Variants in AGO3 observed in about 807,000 individuals in gnomAD.
The protein encoded by AGO3 is argonaute RISC catalytic component 3, also known as protein argonaute-3.
A neutral mutation model predicts 105.5 loss-of-function variants in AGO3; 16 were observed. The ratio of observed to expected loss-of-function variants is 0.15; its 90% CI spans 0.10 to 0.23. AGO3 has a LOEUF of 0.23. Among genes scored for constraint, AGO3 ranks in the 10% least tolerant of loss-of-function variants. AGO3 has a pLI of 1.00. For synonymous variants in AGO3, 340 were observed against 367.3 expected (o/e 0.93, Z 0.85); for missense variants, 534 against 1,088.0 (o/e 0.49, Z 7.16).
chr1:35,931,151 CGGCGGCCGCG>C lies in AGO3; in HGVS notation c.-271_-262del, dbSNP rs2148734104. 2.5e-6 allele frequency: 1 copy of C among 397,536 alleles called. No homozygotes were observed. The highest frequency in any genetic ancestry group is 1.2e-4 in the South Asian group (1 of 8,130). The allele number at this position is 397,536 out of a possible 1,614,324, so 24.6% of individuals were successfully genotyped here. A position where few individuals can be genotyped will look rare whatever the true frequency, so the allele number is the denominator to read the frequency against. On this transcript the variant is annotated 5_prime_UTR_variant, in exon 1 of 19. Transcript: ENST00000373191. ...AGTCGTGGAGGAGCGGTGGGAGCGT[CGGCGGCCGCG>C]GGCGATGCAACTTCCGGACGGGACT...
chr1:36,026,504 A>G (rs1415475306), intron 11 of AGO3, among the ~76,000 whole-genome samples: 1 of 152,200 alleles, frequency 6.6e-6, no homozygotes, highest in East Asian at 1.9e-4. Context: ...ATACTATAGA[A>G]ATTCTGGCTC....
In AGO3 at chr1:35,931,209, C is replaced by G; in HGVS notation, c.-218C>G. On this transcript the variant is annotated 5_prime_UTR_variant, in exon 1 of 19. The change creates a new upstream start codon in the 5' untranslated region. Coordinates refer to ENST00000373191, the MANE Select transcript of AGO3 (RefSeq NM_024852.4). ...ACTCCCCTCTGTCCGCGCCTCACAT[C>G]TCCCCTTCCTCTCGCCTAGTCCTGT... The G allele has an allele frequency of 2.5e-6, 1 of 407,468 alleles. No individual in the cohort carries two copies. The highest frequency in any genetic ancestry group is 4.4e-5 in the Admixed American group (1 of 22,716). 25.2% of individuals were successfully genotyped at this position (407,468 alleles called of 1,614,324 possible). A position where few individuals can be genotyped will look rare whatever the true frequency, so the allele number is the denominator to read the frequency against.
chr1:35,949,223 G>A (rs144425417), intron 2 of AGO3, among the ~76,000 whole-genome samples: 13 of 152,274 alleles, frequency 8.5e-5, no homozygotes, highest in East Asian at 5.8e-4. Flanking sequence ...GATTACAGGC[G>A]TGAGCTACCG....
chr1:35,988,285 A>G (rs1391407950), intron 5 of AGO3, among the ~76,000 whole-genome samples: 2 of 152,210 alleles, frequency 1.3e-5, no homozygotes. Flanking sequence ...CAATCACCTC[A>G]TAGGTATGTG....
chr1:36,034,577 C>T (rs1045983662), intron 13 of AGO3, among the ~76,000 whole-genome samples: 3 of 152,082 alleles, frequency 2.0e-5, no homozygotes, highest in African/African-American at 4.8e-5. Flanking sequence ...AGCAAAGCAA[C>T]AAAAGCAGAG....
intron 5 of AGO3, among the ~76,000 whole-genome samples, chr1:35,995,209 A>AAAAAAAAAAAAAT: frequency 8.7e-6 from 1 of 114,740 alleles, no homozygotes; most frequent in South Asian, 2.7e-4. Context: ...TAAAAAAAAA[A>AAAAAAAAAAAAAT]ATATATATAT....
At chr1:36,047,791 A>T (rs1250495512) in intron 17 of AGO3, among the ~76,000 whole-genome samples, 1 of 152,072 alleles carries the variant, frequency 6.6e-6, no homozygotes, top group East Asian at 1.9e-4. Flanking sequence ...AGGCAGGAGG[A>T]TCACTTGAGC....
At position 36,004,435 on chromosome 1, in the gene AGO3, G is replaced by A. The variant is rs766071931; in HGVS notation, c.753G>A (p.Leu251=). Residue 251 remains leucine (L), a synonymous_variant, in exon 6 of 19, where the codon CTG becomes CTA. Coordinates refer to ENST00000373191, the MANE Select transcript of AGO3 (RefSeq NM_024852.4). ...IHNIDEQPRP[L]TDSHRVKFTK... Reference sequence around the variant, plus strand: ...ATATTGATGAGCAACCAAGACCTCTGACTGATTCTCATCGGGTAAAATTCA... The same window carrying A: ...ATATTGATGAGCAACCAAGACCTCTAACTGATTCTCATCGGGTAAAATTCA... The A allele has an allele frequency of 1.9e-6, 3 of 1,605,396 alleles. No homozygotes were observed. The highest frequency in any genetic ancestry group is 1.3e-5 in the African/African-American group (1 of 74,928).
chr1:35,954,480 C>T (rs529450853), intron 2 of AGO3, among the ~76,000 whole-genome samples: 18 of 152,126 alleles, frequency 1.2e-4, no homozygotes, highest in Non-Finnish European at 2.1e-4. Context: ...TTAACCTGCT[C>T]CAGTTTGTTA....
At chr1:35,934,027 AAATT>A (rs1333577482) in intron 1 of AGO3, among the ~76,000 whole-genome samples, 1 of 152,236 alleles carries the variant, frequency 6.6e-6, no homozygotes, top group Non-Finnish European at 1.5e-5. Context: ...AATTAGTTAA[AAATT>A]AATCAACAGT....
intron 2 of AGO3, among the ~76,000 whole-genome samples, chr1:35,959,794 A>G (rs1646640574): frequency 6.6e-6 from 1 of 152,154 alleles, no homozygotes; most frequent in Non-Finnish European, 1.5e-5. Flanking sequence ...ATTTGATGCT[A>G]AAACATTGTA....
Position 36,009,550 on chromosome 1 carries a change from A to G in AGO3, c.1105A>G (p.Thr369Ala). ...DNQTSTMIKA[T>A]ARSAPDRQEE... ...TCAGACTTCCACTATGATCAAGGCA[A>G]CAGCAAGATCTGCACCAGATAGACA... is the stretch of plus-strand genomic sequence containing the variant. Residue 369 changes from threonine (T) to alanine (A), a missense_variant, in exon 9 of 19, where the codon ACA becomes GCA. Physicochemically the swap from Thr to Ala is moderately conservative, Grantham distance 58. Around this residue, in one of 2 missense-constraint regions of AGO3, gnomAD observed 373 missense variants for 854.0 expected, o/e 0.44. Coordinates refer to ENST00000373191, the MANE Select transcript of AGO3 (RefSeq NM_024852.4). 6.2e-7 allele frequency: 1 copy of G among 1,613,852 alleles called. No individual in the cohort carries two copies. The highest frequency in any genetic ancestry group is 8.5e-7 in the Non-Finnish European group (1 of 1,179,902).
At chr1:36,039,759 T>G (rs1642171860) in intron 14 of AGO3, 31 bp from the exon 15 acceptor site, 2 of 1,229,730 alleles carry the variant, frequency 1.6e-6, no homozygotes, top group Middle Eastern at 2.8e-4. Context: ...TTTTATTTAT[T>G]TATTTATTTA....
intron 12 of AGO3, 122 bp from the exon 13 acceptor site, chr1:36,034,052 T>G (rs1005957911): frequency 4.3e-6 from 4 of 936,244 alleles, no homozygotes; most frequent in Non-Finnish European, 5.8e-6. Context: ...ATTGGCATAA[T>G]TTTTGGTATC....
chr1:35,971,044 A>ATT (rs201715016), intron 3 of AGO3, among the ~76,000 whole-genome samples: 6 of 145,092 alleles, frequency 4.1e-5, no homozygotes, highest in African/African-American at 1.2e-4. Context: ...ATATATATAT[A>ATT]TTTTTTATTA....
intron 5 of AGO3, among the ~76,000 whole-genome samples, chr1:35,994,955 T>C (rs1449172368): frequency 6.6e-6 from 1 of 151,884 alleles, no homozygotes; most frequent in Non-Finnish European, 1.5e-5. Context: ...CAGGCTTACT[T>C]TGGGAGGCCA....
At chr1:36,017,588 C>A (rs1461266669) in intron 11 of AGO3, among the ~76,000 whole-genome samples, 1 of 152,100 alleles carries the variant, frequency 6.6e-6, no homozygotes, top group Non-Finnish European at 1.5e-5. Flanking sequence ...AATTTCTAAT[C>A]ATTGCCTCAT....
At chr1:36,036,579 T>G (rs932995297) in intron 14 of AGO3, among the ~76,000 whole-genome samples, 3 of 152,238 alleles carry the variant, frequency 2.0e-5, no homozygotes, top group African/African-American at 7.2e-5. Flanking sequence ...TTCAGTAATG[T>G]CTTTGTCATA....
rs1237315557 is a variant in AGO3 at position 35,995,209 on chromosome 1, A to AAAAT, written c.659-9131_659-9130insAATA. On this transcript the variant is annotated intron_variant, in intron 5 of 18. Transcript: ENST00000373191. Reference sequence around the variant, plus strand: ...GAGCAAGACACTGTCTAAAAAAAAAAATATATATATATATATATATATATA... The same window carrying AAAAT: ...GAGCAAGACACTGTCTAAAAAAAAAAAAATATATATATATATATATATATATATA... 4.3e-3 allele frequency among the ~76,000 whole-genome samples: 498 copies of AAAAT among 114,708 alleles called. 2 individuals are homozygous for AAAAT. Among genetic ancestry groups the AAAAT allele is most frequent in the South Asian group, 0.01 (38 of 3,670 alleles). The allele number at this position is 114,708 out of a possible 152,430, so 75.3% of individuals were successfully genotyped here. A position where few individuals can be genotyped will look rare whatever the true frequency, so the allele number is the denominator to read the frequency against.
Sources: gnomAD v4.1 joint callset for allele counts (sites outside exome capture counted in the v4.1 genomes callset) on GRCh38, gnomAD v4.1.1 for gene constraint, gnomAD v4.1.1 regional missense constraint, MANE v1.5 for transcripts, NCBI Gene and HGNC (gene_info 2026-07-23, HGNC 2026-07-21) for gene names.